The following MACROD2 variants were observed in gnomAD, a reference collection of about 807,000 sequenced individuals.
MACROD2 encodes mono-ADP ribosylhydrolase 2.
A neutral mutation model predicts 70.4 loss-of-function variants in MACROD2; 36 were observed. That is an observed-to-expected ratio of 0.51 (90% confidence interval 0.39 to 0.68). MACROD2 has a LOEUF of 0.68. Ranked by LOEUF, MACROD2 falls within the 30% of genes least tolerant of loss-of-function variation. The pLI, the probability that MACROD2 is intolerant of heterozygous loss-of-function variation, is 0.00. For missense variants in MACROD2, 496 were observed against 538.4 expected, an observed-to-expected ratio of 0.92 and a Z score of 0.78; for synonymous variants, 172 against 178.8, an observed-to-expected ratio of 0.96 and a Z score of 0.30.
At chr20:14,955,192 A>G (rs562464633) in intron 5 of MACROD2, among the ~76,000 whole-genome samples, 2 of 119,470 alleles carry the variant, frequency 1.7e-5, no homozygotes, top group Admixed American at 9.5e-5. Context: ...TATAATTTAT[A>G]TAATATATCA....
intron 5 of MACROD2, among the ~76,000 whole-genome samples, chr20:14,994,747 C>T (rs778465853): frequency 1.4e-4 from 22 of 152,122 alleles, no homozygotes; most frequent in Non-Finnish European, 2.8e-4. Context: ...GCAAAAATGC[C>T]ACTGTTTCAA....
chr20:14,970,096 G>A (rs1169940093), intron 5 of MACROD2, among the ~76,000 whole-genome samples: 2 of 152,100 alleles, frequency 1.3e-5, no homozygotes, highest in Non-Finnish European at 2.9e-5. Context: ...CATGGCCGAG[G>A]AAGCCTCAGG....
chr20:14,160,912 G>A (rs372163403), intron 3 of MACROD2, among the ~76,000 whole-genome samples: 28 of 152,108 alleles, frequency 1.8e-4, no homozygotes, highest in African/African-American at 6.3e-4. Context: ...TAACGTTTGG[G>A]TTTGGGCTTC....
chr20:15,654,946 C>A (rs1467845477), intron 8 of MACROD2, among the ~76,000 whole-genome samples: 1 of 151,902 alleles, frequency 6.6e-6, no homozygotes, highest in Non-Finnish European at 1.5e-5. Flanking sequence ...GATTCTACAG[C>A]TGGAGAGATG....
At chr20:14,376,413 A>G (rs2083371040) in intron 3 of MACROD2, among the ~76,000 whole-genome samples, 1 of 152,198 alleles carries the variant, frequency 6.6e-6, no homozygotes, top group South Asian at 2.1e-4. Context: ...CATAATGCCC[A>G]GACCCACCCA....
intron 6 of MACROD2, among the ~76,000 whole-genome samples, chr20:15,266,433 G>A (rs750910065): frequency 1.3e-5 from 2 of 152,116 alleles, no homozygotes; most frequent in Non-Finnish European, 2.9e-5. Context: ...CCTTCATTGT[G>A]CCAATGATAC....
At chr20:14,194,518 T>C (rs2081414318) in intron 3 of MACROD2, among the ~76,000 whole-genome samples, 1 of 151,834 alleles carries the variant, frequency 6.6e-6, no homozygotes, top group African/African-American at 2.4e-5. Flanking sequence ...TGGCGAGGGG[T>C]CAAAAACAAC....
chr20:15,037,810 A>G (rs1600983610), intron 5 of MACROD2, among the ~76,000 whole-genome samples: 1 of 152,264 alleles, frequency 6.6e-6, no homozygotes, highest in African/African-American at 2.4e-5. Context: ...ACCTCACAAA[A>G]CAATCAAGAG....
At chr20:14,609,031 G>T (rs778913026) in intron 4 of MACROD2, among the ~76,000 whole-genome samples, 7 of 152,052 alleles carry the variant, frequency 4.6e-5, no homozygotes, top group Non-Finnish European at 8.8e-5. Flanking sequence ...TTGGGGGTTT[G>T]GTGGGGTCTA....
At chr20:15,006,723 A>G (rs2075040877) in intron 5 of MACROD2, among the ~76,000 whole-genome samples, 1 of 152,186 alleles carries the variant, frequency 6.6e-6, no homozygotes, top group South Asian at 2.1e-4. Context: ...TTACTGCCCT[A>G]TGAGATCATC....
At chr20:15,091,423 A>AT (rs917060777) in intron 5 of MACROD2, among the ~76,000 whole-genome samples, 25 of 149,878 alleles carry the variant, frequency 1.7e-4, no homozygotes, top group East Asian at 5.8e-4. Context: ...GAATGAAAAT[A>AT]TTTTTTTTTT....
At chr20:14,275,796 C>A (rs1246223273) in intron 3 of MACROD2, among the ~76,000 whole-genome samples, 7 of 151,644 alleles carry the variant, frequency 4.6e-5, no homozygotes, top group Non-Finnish European at 1.0e-4. Flanking sequence ...AAAAAAACAA[C>A]CCCATCAACA....
chr20:14,883,071 C>T (rs2073629141), intron 5 of MACROD2, among the ~76,000 whole-genome samples: 1 of 152,106 alleles, frequency 6.6e-6, no homozygotes, highest in Non-Finnish European at 1.5e-5. Context: ...GTTTCTCTTT[C>T]CTTTGAATCA....
At chr20:15,455,482 G>A (rs1004061434) in intron 7 of MACROD2, among the ~76,000 whole-genome samples, 7 of 152,142 alleles carry the variant, frequency 4.6e-5, no homozygotes, top group Admixed American at 6.5e-5. Flanking sequence ...AAATGAAAAC[G>A]TCAGGGCCCT....
intron 6 of MACROD2, among the ~76,000 whole-genome samples, chr20:15,274,917 G>A (rs1481618903): frequency 1.3e-5 from 2 of 152,194 alleles, no homozygotes; most frequent in African/African-American, 4.8e-5. Context: ...TGGAGATGAG[G>A]TGTGGAGCTA....
At chr20:14,467,249 C>T (rs968410610) in intron 3 of MACROD2, among the ~76,000 whole-genome samples, 11 of 152,170 alleles carry the variant, frequency 7.2e-5, no homozygotes, top group Non-Finnish European at 1.5e-4. Context: ...CGCCCCTCCC[C>T]CCAGCCTCGC....
chr20:14,165,917 A>C (rs1601301338), intron 3 of MACROD2, among the ~76,000 whole-genome samples: 1 of 152,170 alleles, frequency 6.6e-6, no homozygotes, highest in East Asian at 1.9e-4. Flanking sequence ...TCTAAATTCT[A>C]ATCTCTAGTG....
At chr20:14,931,319 G>C in intron 5 of MACROD2, among the ~76,000 whole-genome samples, 2 of 152,100 alleles carry the variant, frequency 1.3e-5, no homozygotes, top group East Asian at 3.9e-4. Flanking sequence ...TAAAAAGCAT[G>C]CATATTATAT....
At chr20:15,226,114 G>C (rs1023581008) in intron 5 of MACROD2, among the ~76,000 whole-genome samples, 1 of 142,116 alleles carries the variant, frequency 7.0e-6, no homozygotes, top group African/African-American at 2.6e-5. Flanking sequence ...AGATGCACTT[G>C]AGAGCTGCAA....
Sources: gnomAD v4.1 joint callset for allele counts (sites outside exome capture counted in the v4.1 genomes callset) on GRCh38, gnomAD v4.1.1 for gene constraint, MANE v1.5 for transcripts, NCBI Gene and HGNC (gene_info 2026-07-23, HGNC 2026-07-21) for gene names.